The following COMMD1 variants were observed in gnomAD, a reference collection of about 807,000 sequenced individuals.
COMMD1 encodes copper metabolism domain containing 1, also known as COMM domain-containing protein 1.
A neutral mutation model predicts 17.2 loss-of-function variants in COMMD1; 10 were observed. The observed-to-expected ratio is 0.58, with a 90% CI of 0.36 to 0.99. COMMD1 has a LOEUF of 0.99. COMMD1 is among the 50% of genes least tolerant of loss of function. The pLI, the probability that COMMD1 is intolerant of heterozygous loss-of-function variation, is 0.01. For synonymous variants in COMMD1, 97 were observed against 91.6 expected, an observed-to-expected ratio of 1.06 and a Z score of -0.34; for missense variants, 270 against 231.8, an observed-to-expected ratio of 1.17 and a Z score of -1.07.
intron 1 of COMMD1, among the ~76,000 whole-genome samples, chr2:61,974,863 A>G (rs1671751166): frequency 6.6e-6 from 1 of 151,890 alleles, no homozygotes; most frequent in African/African-American, 2.4e-5. Flanking sequence ...CCCAATATTG[A>G]TGTTATTATT....
At chr2:62,031,637 GC>G (rs1323937659) in intron 2 of COMMD1, among the ~76,000 whole-genome samples, 2 of 152,132 alleles carry the variant, frequency 1.3e-5, no homozygotes, top group Non-Finnish European at 1.5e-5. Context: ...TTCTCTGGGG[GC>G]CTGTTGTTTA....
intron 2 of COMMD1, among the ~76,000 whole-genome samples, chr2:62,006,201 G>C (rs1323246333): frequency 3.3e-4 from 41 of 123,438 alleles, no homozygotes; most frequent in African/African-American, 1.2e-3. Context: ...GTTGTGGGGT[G>C]GGGGGAGGGG....
At chr2:62,028,573 C>CA (rs913912415) in intron 2 of COMMD1, among the ~76,000 whole-genome samples, 7 of 149,894 alleles carry the variant, frequency 4.7e-5, no homozygotes, top group African/African-American at 7.3e-5. Flanking sequence ...AGCCTTTCTC[C>CA]AAAAAAAAGG....
At chr2:62,028,907 A>G (rs1033863566) in intron 2 of COMMD1, among the ~76,000 whole-genome samples, 10 of 152,134 alleles carry the variant, frequency 6.6e-5, no homozygotes, top group African/African-American at 9.7e-5. Flanking sequence ...GGCTGCTTTT[A>G]TCTAAATGGT....
chr2:61,926,609 C>T (rs117882349), intron 1 of COMMD1, among the ~76,000 whole-genome samples: 5 of 152,258 alleles, frequency 3.3e-5, no homozygotes, highest in East Asian at 3.9e-4. Flanking sequence ...CTCATTTCTT[C>T]GACTCTCTTT....
At chr2:61,965,308 A>T (rs1671477626) in intron 1 of COMMD1, among the ~76,000 whole-genome samples, 1 of 152,214 alleles carries the variant, frequency 6.6e-6, no homozygotes, top group Non-Finnish European at 1.5e-5. Flanking sequence ...AATATTTTTT[A>T]ATTTTGTAAT....
intron 1 of COMMD1, among the ~76,000 whole-genome samples, chr2:61,934,127 T>C (rs1447179238): frequency 6.6e-6 from 1 of 152,120 alleles, no homozygotes; most frequent in African/African-American, 2.4e-5. Context: ...CTATATATGT[T>C]TAAATACAAA....
intron 1 of COMMD1, among the ~76,000 whole-genome samples, chr2:61,983,933 T>TTGAA (rs1672027760): frequency 6.6e-6 from 1 of 152,226 alleles, no homozygotes; most frequent in South Asian, 2.1e-4. Flanking sequence ...TGTTGTTTAT[T>TTGAA]TGAAGTTTTT....
intron 2 of COMMD1, among the ~76,000 whole-genome samples, chr2:62,015,612 G>A (rs1266334253): frequency 6.6e-6 from 1 of 151,174 alleles, no homozygotes; most frequent in Non-Finnish European, 1.5e-5. Context: ...ATTTTCTACA[G>A]CAGTTGCTCA....
chr2:62,038,777 G>A (rs985546683), intron 2 of COMMD1, among the ~76,000 whole-genome samples: 4 of 152,044 alleles, frequency 2.6e-5, no homozygotes, highest in African/African-American at 9.7e-5. Flanking sequence ...TTGAACTCCT[G>A]ACCTCAAGTG....
At chr2:62,092,294 C>T (rs1671853885) in intron 2 of COMMD1, among the ~76,000 whole-genome samples, 1 of 152,260 alleles carries the variant, frequency 6.6e-6, no homozygotes, top group East Asian at 1.9e-4. Context: ...TATTCTATAG[C>T]AAGGAAAGTA....
chr2:61,954,830 G>T (rs999484487), intron 1 of COMMD1, among the ~76,000 whole-genome samples: 2 of 151,940 alleles, frequency 1.3e-5, no homozygotes, highest in Non-Finnish European at 2.9e-5. Context: ...TACAAGGGTG[G>T]GATTACAATA....
chr2:62,003,204 G>A (rs566774745), intron 2 of COMMD1, among the ~76,000 whole-genome samples: 1 of 151,038 alleles, frequency 6.6e-6, no homozygotes, highest in South Asian at 2.1e-4. Flanking sequence ...CTGCACTCCA[G>A]TCTGGGCAAC....
At chr2:62,124,340 CCTAAT>C (rs756683948) in intron 2 of COMMD1, among the ~76,000 whole-genome samples, 2 of 152,062 alleles carry the variant, frequency 1.3e-5, no homozygotes, top group Admixed American at 6.6e-5. Context: ...TGCCAATAGT[CCTAAT>C]CTCCTTTTCC....
At chr2:62,066,180 T>G (rs1401053250) in intron 2 of COMMD1, among the ~76,000 whole-genome samples, 1 of 152,194 alleles carries the variant, frequency 6.6e-6, no homozygotes, top group Non-Finnish European at 1.5e-5. Flanking sequence ...TATTTGTCAT[T>G]TCTAATCTTA....
At position 62,036,377 on chromosome 2, in the gene COMMD1, T is replaced by C. The variant is rs144456517; in HGVS notation, c.462+35395T>C. On this transcript the variant is annotated intron_variant, in intron 2 of 2. Coordinates refer to ENST00000311832, the MANE Select transcript of COMMD1 (RefSeq NM_152516.4). Reference sequence around the variant, plus strand: ...CAAATGAAAAGGCTTGAGAAAAAAATTACTTGCTTTTTAGCTCACATGAGT... The same window carrying C: ...CAAATGAAAAGGCTTGAGAAAAAAACTACTTGCTTTTTAGCTCACATGAGT... Among the ~76,000 whole-genome samples, 419 of 152,298 alleles carry C rather than the reference T, an allele frequency of 2.8e-3. 7 individuals are homozygous for C. Among genetic ancestry groups the C allele is most frequent in the Admixed American group, 4.8e-3 (74 of 15,292 alleles).
At chr2:62,005,970 A>T (rs1434832163) in intron 2 of COMMD1, among the ~76,000 whole-genome samples, 3 of 152,062 alleles carry the variant, frequency 2.0e-5, no homozygotes, top group African/African-American at 7.3e-5. Flanking sequence ...GATAGACTGG[A>T]TTAAGAAAAT....
intron 2 of COMMD1, among the ~76,000 whole-genome samples, chr2:62,120,787 G>A (rs978302723): frequency 2.6e-5 from 4 of 151,828 alleles, no homozygotes; most frequent in African/African-American, 4.8e-5. Context: ...GTGCAGTGGC[G>A]CAAACACAGC....
chr2:62,013,301 C>A (rs1669339812), intron 2 of COMMD1, among the ~76,000 whole-genome samples: 1 of 151,952 alleles, frequency 6.6e-6, no homozygotes, highest in Non-Finnish European at 1.5e-5. Context: ...AACTGTTATC[C>A]TTCATTCTCT....
Sources: gnomAD v4.1 joint callset for allele counts (sites outside exome capture counted in the v4.1 genomes callset) on GRCh38, gnomAD v4.1.1 for gene constraint, MANE v1.5 for transcripts, NCBI Gene and HGNC (gene_info 2026-07-23, HGNC 2026-07-21) for gene names.